The following CHCHD3 variants were observed in gnomAD, a reference collection of about 807,000 sequenced individuals.
CHCHD3 encodes coiled-coil-helix-coiled-coil-helix domain containing 3.
A neutral mutation model predicts 38.2 loss-of-function variants in CHCHD3; 20 were observed. The ratio of observed to expected loss-of-function variants is 0.52; its 90% CI spans 0.37 to 0.76. CHCHD3 has a LOEUF of 0.76. Among genes scored for constraint, CHCHD3 ranks in the 30% least tolerant of loss-of-function variants. The probability of loss-of-function intolerance (pLI) is 0.00; values close to 1 mark genes in which losing one functional copy is unlikely to be tolerated. For missense variants in CHCHD3, 245 were observed against 279.2 expected, an observed-to-expected ratio of 0.88 and a Z score of 0.87; for synonymous variants, 82 against 100.0, an observed-to-expected ratio of 0.82 and a Z score of 1.07.
At chr7:133,011,141 A>C (rs1243247965) in intron 3 of CHCHD3, among the ~76,000 whole-genome samples, 3 of 152,160 alleles carry the variant, frequency 2.0e-5, no homozygotes, top group Non-Finnish European at 2.9e-5. Context: ...GATGTGGCCG[A>C]AGTGTTCAAT....
intron 1 of CHCHD3, among the ~76,000 whole-genome samples, chr7:133,076,119 G>A (rs114043148): frequency 0.011 from 1,658 of 149,666 alleles, 34 homozygotes; most frequent in African/African-American, 0.039. Flanking sequence ...TTCCTGAACC[G>A]GGCACTTGTT....
chr7:133,055,261 T>G (rs1814284482), intron 2 of CHCHD3, among the ~76,000 whole-genome samples: 1 of 147,084 alleles, frequency 6.8e-6, no homozygotes, highest in Admixed American at 6.8e-5. Context: ...TATACTTATA[T>G]ATTATAATTA....
At chr7:132,794,354 TC>T (rs1438229989) in intron 7 of CHCHD3, among the ~76,000 whole-genome samples, 1 of 152,190 alleles carries the variant, frequency 6.6e-6, no homozygotes, top group African/African-American at 2.4e-5. Flanking sequence ...TATTGTGACT[TC>T]CCTGAGTTTC....
In CHCHD3 at chr7:132,788,596, C is replaced by T. The variant is rs1272895273; in HGVS notation, c.661-2936G>A. 6.6e-6 allele frequency among the ~76,000 whole-genome samples: 1 copy of T among 152,190 alleles called. No individual in the cohort carries two copies. The highest frequency in any genetic ancestry group is 1.9e-4 in the East Asian group (1 of 5,196). ...GGGTAATTTTTCAGCCAAATCATAT[C>T]ATGCTAAGAATGTTAGGCTCTCTTT... On this transcript the variant is annotated intron_variant, in intron 7 of 7. Transcript: ENST00000262570. This position sits in a 1 kb window ranked among gnomAD's most constrained non-coding sequence, Gnocchi z 4.0.
At chr7:132,900,088 A>G (rs987471443) in intron 4 of CHCHD3, among the ~76,000 whole-genome samples, 15 of 152,166 alleles carry the variant, frequency 9.9e-5, no homozygotes, top group African/African-American at 3.4e-4. Flanking sequence ...GTGGGTTTGC[A>G]ACTACTAGAA....
intron 6 of CHCHD3, among the ~76,000 whole-genome samples, chr7:132,813,967 T>C (rs1030728695): frequency 6.6e-6 from 1 of 152,184 alleles, no homozygotes; most frequent in Non-Finnish European, 1.5e-5. Flanking sequence ...GGAATTGTAT[T>C]TGAAGTAATT....
chr7:133,048,959 G>T (rs1227932822), intron 2 of CHCHD3, among the ~76,000 whole-genome samples: 1 of 152,102 alleles, frequency 6.6e-6, no homozygotes, highest in African/African-American at 2.4e-5. Context: ...AAAGTACCAG[G>T]CATCTGATAT....
intron 4 of CHCHD3, among the ~76,000 whole-genome samples, chr7:132,922,172 G>A (rs1412354885): frequency 6.6e-6 from 1 of 152,132 alleles, no homozygotes; most frequent in Non-Finnish European, 1.5e-5. Context: ...AATGGCTTCA[G>A]GTAAGCATGG....
chr7:132,989,567 G>A (rs963791055), intron 3 of CHCHD3, among the ~76,000 whole-genome samples: 8 of 152,006 alleles, frequency 5.3e-5, no homozygotes, highest in Admixed American at 5.2e-4. Flanking sequence ...TCTCATTTGG[G>A]AACAAGTACC....
At chr7:132,842,953 G>C (rs1484485057) in intron 5 of CHCHD3, among the ~76,000 whole-genome samples, 1 of 152,062 alleles carries the variant, frequency 6.6e-6, no homozygotes, top group Non-Finnish European at 1.5e-5. Flanking sequence ...TCAAAGTTTT[G>C]TCCATCACCT....
chr7:132,785,579 A>G lies in CHCHD3; in HGVS notation c.*58T>C. The G allele has an allele frequency of 6.3e-7, 1 of 1,586,344 alleles. No homozygotes were observed. The highest frequency in any genetic ancestry group is 8.7e-7 in the Non-Finnish European group (1 of 1,155,648). On this transcript the variant is annotated 3_prime_UTR_variant, in exon 8 of 8. Transcript: ENST00000262570. Reference sequence around the variant, plus strand: ...AAATGGGTTGTTTTCTCACTAGGAAAAAAAATGTTCCATCTCTGGAATTAA... The same window carrying G: ...AAATGGGTTGTTTTCTCACTAGGAAGAAAAATGTTCCATCTCTGGAATTAA...
chr7:132,828,574 G>A lies in CHCHD3; in HGVS notation c.524+9825C>T, dbSNP rs10236904. 2.7e-3 allele frequency among the ~76,000 whole-genome samples: 415 copies of A among 152,186 alleles called. 4 individuals carry two copies. The highest frequency in any genetic ancestry group is 9.5e-3 in the African/African-American group (394 of 41,514). ...TACTTGACAAGACTGAAACCATGAG[G>A]GGTGACTTGGTAATTATACATTCAA... On this transcript the variant is annotated intron_variant, in intron 6 of 7. Transcript: ENST00000262570.
At chr7:132,825,334 C>G (rs1047362143) in intron 6 of CHCHD3, among the ~76,000 whole-genome samples, 2 of 152,132 alleles carry the variant, frequency 1.3e-5, no homozygotes, top group South Asian at 4.1e-4. Context: ...GAAAAGAACT[C>G]CCAAGACAGA....
chr7:132,913,942 CTTTTT>C (rs1412356399), intron 4 of CHCHD3, among the ~76,000 whole-genome samples: 13 of 128,850 alleles, frequency 1.0e-4, no homozygotes, highest in African/African-American at 3.8e-4. Flanking sequence ...TAAACGTTTT[CTTTTT>C]CTTTTTTTTT....
intron 5 of CHCHD3, among the ~76,000 whole-genome samples, chr7:132,842,230 C>A (rs996912537): frequency 6.6e-6 from 1 of 152,100 alleles, no homozygotes; most frequent in Non-Finnish European, 1.5e-5. Context: ...GCAGGGCGGG[C>A]ACATCCTGAA....
In CHCHD3 at chr7:133,015,348, T is replaced by TTAAATAAATAAATAAA. The variant is rs3049326; in HGVS notation, c.251+9182_251+9197dup. Among the ~76,000 whole-genome samples, 251 of 143,980 alleles carry TTAAATAAATAAATAAA rather than the reference T, an allele frequency of 1.7e-3. 1 individual carries two copies. Among genetic ancestry groups the TTAAATAAATAAATAAA allele is most frequent in the Non-Finnish European group, 2.6e-3 (171 of 66,146 alleles). The allele number at this position is 143,980 out of a possible 152,430, so 94.5% of individuals were successfully genotyped here. On this transcript the variant is annotated intron_variant, in intron 3 of 7. Transcript: ENST00000262570. ...ACAGAGCCAGACAACGTCTCAAAAA[T>TTAAATAAATAAATAAA]TAAATAAATAAATAAATAAATAAAT... is the stretch of plus-strand genomic sequence containing the variant.
chr7:132,808,051 C>T lies in CHCHD3; in HGVS notation c.525-11474G>A, dbSNP rs1041898887. ...TATGAAATCCCACATGCAAACTCTA[C>T]ACAAAGACCAAAATGTAAGCTGGGA... On this transcript the variant is annotated intron_variant, in intron 6 of 7. Coordinates refer to ENST00000262570, the MANE Select transcript of CHCHD3 (RefSeq NM_017812.4). Among the ~76,000 whole-genome samples, 62 of 152,256 alleles carry T rather than the reference C, an allele frequency of 4.1e-4. 1 individual carries two copies. Among genetic ancestry groups the T allele is most frequent in the African/African-American group, 1.3e-3 (55 of 41,548 alleles).
At chr7:132,912,108 A>G (rs897730729) in intron 4 of CHCHD3, among the ~76,000 whole-genome samples, 2 of 152,230 alleles carry the variant, frequency 1.3e-5, no homozygotes, top group African/African-American at 4.8e-5. Context: ...TATGTAATGT[A>G]TCACCTTCAG....
At position 132,785,643 on chromosome 7, in the gene CHCHD3, T is replaced by G; in HGVS notation, c.678A>C (p.Gly226=). 6.2e-7 allele frequency: 1 copy of G among 1,614,066 alleles called. No individual in the cohort carries two copies. The highest frequency in any genetic ancestry group is 1.7e-5 in the Admixed American group (1 of 60,004). The part of the protein sequence containing the change: ...NHAKQSMLEK[G]G ...TTGCTCATTCTGAAAGTTTTTATCC[T>G]CCCTTCTCAAGCATGCTCTGCAAGA... Residue 226 remains glycine, a synonymous_variant, in exon 8 of 8, where the codon GGA becomes GGC. Coordinates refer to ENST00000262570, the MANE Select transcript of CHCHD3 (RefSeq NM_017812.4).
Sources: allele counts gnomAD v4.1 joint callset (sites outside exome capture counted in the v4.1 genomes callset), GRCh38; gene constraint gnomAD v4.1.1; non-coding constraint Gnocchi (gnomAD v3.1); transcripts MANE v1.5; gene names NCBI Gene and HGNC (gene_info 2026-07-23, HGNC 2026-07-21).